PTPRD: variants seen among roughly 807,000 people sequenced by gnomAD.
PTPRD encodes the protein protein tyrosine phosphatase receptor type D.
In PTPRD, 34 loss-of-function variants were observed where a neutral mutation model predicts 214.5. The observed-to-expected ratio is 0.16, with a 90% CI of 0.12 to 0.21. PTPRD has a LOEUF of 0.21. Among genes scored for constraint, PTPRD ranks in the 10% least tolerant of loss-of-function variants. The probability of loss-of-function intolerance (pLI) is 1.00; values close to 1 mark genes in which losing one functional copy is unlikely to be tolerated. For synonymous variants in PTPRD, 1,128 were observed against 845.7 expected, an observed-to-expected ratio of 1.33 and a Z score of -5.79; for missense variants, 2,545 against 2,398.7, an observed-to-expected ratio of 1.06 and a Z score of -1.27.
chr9:9,344,032 C>T (rs1481516736), intron 9 of PTPRD, among the ~76,000 whole-genome samples: 1 of 152,266 alleles, frequency 6.6e-6, no homozygotes, highest in Non-Finnish European at 1.5e-5. Context: ...ATATGTTTAT[C>T]TTCTAGATAG....
intron 7 of PTPRD, among the ~76,000 whole-genome samples, chr9:9,669,288 CA>C (rs2096780968): frequency 6.6e-6 from 1 of 152,086 alleles, no homozygotes; most frequent in Non-Finnish European, 1.5e-5. Flanking sequence ...ACAAGGAACA[CA>C]ACAGATAGAG....
At chr9:10,049,407 A>AAAGAAAGAAAGAAAGAAAGAAAG (rs1555515115) in intron 3 of PTPRD, among the ~76,000 whole-genome samples, 12 of 115,694 alleles carry the variant, frequency 1.0e-4, no homozygotes, top group Non-Finnish European at 1.6e-4. Flanking sequence ...TTAAAAAAAA[A>AAAGAAAGAAAGAAAGAAAGAAAG]AAAGAAAGAA....
intron 9 of PTPRD, among the ~76,000 whole-genome samples, chr9:9,332,385 A>G (rs1189047179): frequency 6.6e-6 from 1 of 152,020 alleles, no homozygotes; most frequent in Non-Finnish European, 1.5e-5. Flanking sequence ...CATACCTCAT[A>G]GTATATTCCA....
At chr9:10,511,664 T>C (rs924190239) in intron 2 of PTPRD, among the ~76,000 whole-genome samples, 8 of 150,198 alleles carry the variant, frequency 5.3e-5, no homozygotes, top group Non-Finnish European at 1.0e-4. Context: ...TCCACCCGCC[T>C]AGGCCTCCCA....
chr9:8,331,815 A>G, intron 43 of PTPRD, 79 bp from the exon 44 acceptor site: 1 of 1,461,420 alleles, frequency 6.8e-7, no homozygotes, highest in Non-Finnish European at 9.1e-7. Context: ...CACAAGAACA[A>G]TCATTTTCAT....
chr9:9,946,827 C>T (rs2092626430), intron 4 of PTPRD, among the ~76,000 whole-genome samples: 1 of 152,064 alleles, frequency 6.6e-6, no homozygotes, highest in South Asian at 2.1e-4. Flanking sequence ...TAAAGCAAAA[C>T]TCAAGTAGTT....
At chr9:9,042,486 A>G (rs544468856) in intron 10 of PTPRD, among the ~76,000 whole-genome samples, 93 of 152,264 alleles carry the variant, frequency 6.1e-4, no homozygotes, top group African/African-American at 2.2e-3. Flanking sequence ...TGGGGTTGTC[A>G]CCAGAGAAAG....
intron 11 of PTPRD, among the ~76,000 whole-genome samples, chr9:8,979,630 G>A (rs1235993180): frequency 6.6e-6 from 1 of 152,072 alleles, no homozygotes; most frequent in Non-Finnish European, 1.5e-5. Flanking sequence ...ACAATTATAT[G>A]AAAAGTTGCT....
At chr9:10,595,836 T>C (rs926138922) in intron 2 of PTPRD, among the ~76,000 whole-genome samples, 3 of 151,650 alleles carry the variant, frequency 2.0e-5, no homozygotes, top group Non-Finnish European at 3.0e-5. Context: ...CTTATACATT[T>C]AAGATGTTTT....
At chr9:10,387,964 T>G (rs1445297411) in intron 2 of PTPRD, among the ~76,000 whole-genome samples, 1 of 151,250 alleles carries the variant, frequency 6.6e-6, no homozygotes, top group Non-Finnish European at 1.5e-5. Flanking sequence ...CCCAGCAATT[T>G]TGTCTTCTTT....
At chr9:10,030,706 G>A (rs971107501) in intron 4 of PTPRD, among the ~76,000 whole-genome samples, 7 of 152,014 alleles carry the variant, frequency 4.6e-5, no homozygotes, top group African/African-American at 1.7e-4. Context: ...AAAAATTCCA[G>A]TTGAGAAAAT....
chr9:8,492,382 C>T (rs778821262), intron 27 of PTPRD, among the ~76,000 whole-genome samples: 91 of 152,230 alleles, frequency 6.0e-4, no homozygotes, highest in African/African-American at 2.1e-3. Context: ...TTAAATAATC[C>T]TTCCTCTACC....
chr9:10,284,784 G>C (rs4527934), intron 3 of PTPRD, among the ~76,000 whole-genome samples: 10,171 of 143,612 alleles, frequency 0.071, 427 homozygotes, highest in South Asian at 0.16. Context: ...CAGGAGGAGA[G>C]AGAGAGAGAG....
chr9:8,883,787 A>G (rs1221864394), intron 11 of PTPRD, among the ~76,000 whole-genome samples: 1 of 152,050 alleles, frequency 6.6e-6, no homozygotes, highest in Non-Finnish European at 1.5e-5. Flanking sequence ...CCCATTCCCA[A>G]CCCAGATCTA....
chr9:8,467,301 C>T (rs1296360795), intron 31 of PTPRD, among the ~76,000 whole-genome samples: 1 of 151,824 alleles, frequency 6.6e-6, no homozygotes, highest in East Asian at 1.9e-4. Context: ...CCAGTAAAAA[C>T]ACAAGGCCAG....
intron 11 of PTPRD, among the ~76,000 whole-genome samples, chr9:8,804,846 A>G (rs2096644072): frequency 6.6e-6 from 1 of 152,148 alleles, no homozygotes; most frequent in African/African-American, 2.4e-5. Context: ...AGATAGGTAC[A>G]CTCATAAAAA....
intron 10 of PTPRD, among the ~76,000 whole-genome samples, chr9:9,029,709 GGTA>G (rs2154375536): frequency 6.6e-6 from 1 of 151,982 alleles, no homozygotes; most frequent in Admixed American, 6.6e-5. Flanking sequence ...TGGAATGTAC[GGTA>G]GTGGTGGAGA....
At chr9:8,369,322 A>T (rs1001244938) in intron 39 of PTPRD, among the ~76,000 whole-genome samples, 1 of 151,940 alleles carries the variant, frequency 6.6e-6, no homozygotes, top group African/African-American at 2.4e-5. Context: ...TTTCATCACT[A>T]TTGGGTTGGG....
intron 8 of PTPRD, among the ~76,000 whole-genome samples, chr9:9,536,550 G>A (rs958265800): frequency 1.3e-5 from 2 of 151,998 alleles, no homozygotes; most frequent in Admixed American, 1.3e-4. Flanking sequence ...ATGTGAAAAT[G>A]ATTGGTAGAT....
Sources: gnomAD v4.1 joint callset for allele counts (sites outside exome capture counted in the v4.1 genomes callset) on GRCh38, gnomAD v4.1.1 for gene constraint, MANE v1.5 for transcripts, NCBI Gene and HGNC (gene_info 2026-07-23, HGNC 2026-07-21) for gene names.